The following CTTNBP2 variants were observed in gnomAD, a reference collection of about 807,000 sequenced individuals.
The protein encoded by CTTNBP2 is cortactin-binding protein 2.
Under a neutral mutation model 156.9 loss-of-function variants are expected in CTTNBP2, and 108 were observed. The ratio of observed to expected loss-of-function variants is 0.69; its 90% confidence interval spans 0.59 to 0.81. The LOEUF (loss-of-function observed/expected upper bound fraction) is 0.81, where lower values mean the gene tolerates loss of function less well. Among genes scored for constraint, CTTNBP2 ranks in the 30% least tolerant of loss-of-function variants. The pLI, the probability that CTTNBP2 is intolerant of heterozygous loss-of-function variation, is 0.00. For missense variants in CTTNBP2, 1,924 were observed against 2,035.4 expected (o/e 0.95, Z 1.05); for synonymous variants, 767 against 751.8 (o/e 1.02, Z -0.33).
chr7:117,763,121 A>G (rs375336975), intron 9 of CTTNBP2, among the ~76,000 whole-genome samples: 1 of 152,198 alleles, frequency 6.6e-6, no homozygotes, highest in Non-Finnish European at 1.5e-5. Flanking sequence ...ATGCCAAAAA[A>G]TAAATTTTTC....
intron 17 of CTTNBP2, among the ~76,000 whole-genome samples, chr7:117,727,588 C>G (rs1795163248): frequency 6.6e-6 from 1 of 152,190 alleles, no homozygotes; most frequent in Non-Finnish European, 1.5e-5. Context: ...GTCACAGAAC[C>G]ATTACTAAAC....
intron 9 of CTTNBP2, among the ~76,000 whole-genome samples, chr7:117,765,378 A>T (rs1797432263): frequency 6.6e-6 from 1 of 152,186 alleles, no homozygotes; most frequent in South Asian, 2.1e-4. Flanking sequence ...TTAAGAAATG[A>T]TCCACTCTTT....
intron 22 of CTTNBP2, chr7:117,714,011 A>T (rs1794203019): frequency 6.6e-6 from 1 of 152,236 alleles, no homozygotes; most frequent in African/African-American, 2.4e-5. Context: ...AACAAAAAAC[A>T]GATGGGCTCG....
At chr7:117,766,165 A>T (rs981319767) in intron 9 of CTTNBP2, among the ~76,000 whole-genome samples, 1 of 152,188 alleles carries the variant, frequency 6.6e-6, no homozygotes, top group Non-Finnish European at 1.5e-5. Flanking sequence ...TAATAAGAGA[A>T]CTATTTTAGA....
intron 2 of CTTNBP2, among the ~76,000 whole-genome samples, chr7:117,847,819 CTTTTTTTTTT>C (rs201419286): frequency 0.012 from 1,087 of 91,198 alleles, 10 homozygotes; most frequent in African/African-American, 0.048. Context: ...TTTGCCTAAC[CTTTTTTTTTT>C]TTTTTTTTTT....
intron 3 of CTTNBP2, among the ~76,000 whole-genome samples, chr7:117,800,198 A>G (rs1403488848): frequency 6.6e-6 from 1 of 152,044 alleles, no homozygotes; most frequent in Non-Finnish European, 1.5e-5. Flanking sequence ...ATTTAGATAA[A>G]GCAAACAAAG....
chr7:117,725,314 C>T, intron 17 of CTTNBP2, 57 bp from the exon 18 acceptor site: 1 of 1,482,314 alleles, frequency 6.7e-7, no homozygotes, highest in East Asian at 2.3e-5. Flanking sequence ...TAATTATACA[C>T]AATTCCGTGA....
In CTTNBP2 at chr7:117,873,402, C is replaced by G; in HGVS notation, c.14G>C (p.Gly5Ala). ...GGACAAGTCGGGCTCGCAGCTCGCG[C>G]CGTCCGTCGCCATCTTCCTGCTCTA... is the stretch of plus-strand genomic sequence containing the variant. MATD[G>A]ASCEPDLSRA... Residue 5 changes from glycine to alanine, a missense_variant, in exon 1 of 23, where the codon GGC becomes GCC. Gly to Ala is a moderately conservative substitution (Grantham distance 60). Coordinates refer to ENST00000160373, the MANE Select transcript of CTTNBP2 (RefSeq NM_033427.3). 7.4e-6 allele frequency: 11 copies of G among 1,494,018 alleles called. No individual in the cohort carries two copies. Among genetic ancestry groups the G allele is most frequent in the Non-Finnish European group, 9.7e-6 (11 of 1,128,846 alleles). The allele number at this position is 1,494,018 out of a possible 1,614,324, so 92.5% of individuals were successfully genotyped here.
chr7:117,847,800 T>C (rs565504640), intron 2 of CTTNBP2, among the ~76,000 whole-genome samples: 2 of 150,440 alleles, frequency 1.3e-5, no homozygotes, highest in East Asian at 3.9e-4. Context: ...CAAATTTTTA[T>C]AGATCTTCTT....
At chr7:117,851,034 C>T (rs1421246554) in intron 2 of CTTNBP2, among the ~76,000 whole-genome samples, 1 of 152,122 alleles carries the variant, frequency 6.6e-6, no homozygotes, top group Non-Finnish European at 1.5e-5. Flanking sequence ...ACACAATGTC[C>T]TTAAAAAACA....
intron 2 of CTTNBP2, among the ~76,000 whole-genome samples, chr7:117,823,057 T>C (rs1801062836): frequency 6.6e-6 from 1 of 152,256 alleles, no homozygotes; most frequent in African/African-American, 2.4e-5. Flanking sequence ...GTCCCTTTTA[T>C]CATTATAAAC....
rs141268818 is a variant in CTTNBP2, at chr7:117,853,756, C to T, written c.189+7453G>A. 5.0e-3 allele frequency among the ~76,000 whole-genome samples: 763 copies of T among 152,226 alleles called. 6 individuals carry two copies. The highest frequency in any genetic ancestry group is 0.018 in the African/African-American group (735 of 41,528). ...TGTGGGAGATTGAGCTGCGAAAAGC[C>T]TCATCTTTAGTGTGTTCTCCTTACA... On this transcript the variant is annotated intron_variant, in intron 2 of 22. Coordinates refer to ENST00000160373, the MANE Select transcript of CTTNBP2 (RefSeq NM_033427.3).
At chr7:117,812,527 C>A in intron 2 of CTTNBP2, among the ~76,000 whole-genome samples, 1 of 151,646 alleles carries the variant, frequency 6.6e-6, no homozygotes, top group East Asian at 1.9e-4. Flanking sequence ...TCCTTATCAT[C>A]AACTTAGATT....
chr7:117,752,759 A>C (rs1191030784), intron 12 of CTTNBP2, among the ~76,000 whole-genome samples: 1 of 152,220 alleles, frequency 6.6e-6, no homozygotes, highest in Non-Finnish European at 1.5e-5. Flanking sequence ...GGCTAGTTTC[A>C]ACTCCTTGGG....
intron 1 of CTTNBP2, among the ~76,000 whole-genome samples, chr7:117,867,775 G>C (rs1804301075): frequency 6.6e-6 from 1 of 152,114 alleles, no homozygotes. Flanking sequence ...ACAACATATA[G>C]TACGAGAACA....
chr7:117,870,352 TA>T (rs1192628912), intron 1 of CTTNBP2, among the ~76,000 whole-genome samples: 2 of 152,198 alleles, frequency 1.3e-5, no homozygotes, highest in East Asian at 1.9e-4. Flanking sequence ...TAATTTAGTT[TA>T]AAAAAACGCT....
chr7:117,777,884 G>T, intron 7 of CTTNBP2, 119 bp from the exon 8 acceptor site: 1 of 949,092 alleles, frequency 1.1e-6, no homozygotes, highest in Non-Finnish European at 1.6e-6. Flanking sequence ...GGAAAAGCAG[G>T]CATTCCAATC....
At chr7:117,754,408 T>C (rs1251911666) in intron 12 of CTTNBP2, among the ~76,000 whole-genome samples, 2 of 152,256 alleles carry the variant, frequency 1.3e-5, no homozygotes, top group Admixed American at 6.5e-5. Flanking sequence ...CTGCCTTCTT[T>C]ACCACTAGAA....
At chr7:117,789,041 T>G (rs1798852368) in intron 4 of CTTNBP2, among the ~76,000 whole-genome samples, 1 of 152,196 alleles carries the variant, frequency 6.6e-6, no homozygotes, top group Non-Finnish European at 1.5e-5. Flanking sequence ...GTGAAGGGCA[T>G]TTTTCAGAGG....
Sources: allele counts gnomAD v4.1 joint callset (sites outside exome capture counted in the v4.1 genomes callset), GRCh38; gene constraint gnomAD v4.1.1; transcripts MANE v1.5; gene names NCBI Gene and HGNC (gene_info 2026-07-23, HGNC 2026-07-21).